Variants in GHITM observed in about 807,000 individuals in gnomAD.
GHITM encodes growth hormone inducible transmembrane protein.
A neutral mutation model predicts 38.7 loss-of-function variants in GHITM; 24 were observed. The observed-to-expected ratio is 0.62, with a 90% confidence interval of 0.45 to 0.87. GHITM has a LOEUF of 0.87. Among genes scored for constraint, GHITM ranks in the 40% least tolerant of loss-of-function variants. GHITM has a pLI of 0.00. For missense variants in GHITM, 420 were observed against 429.8 expected, an observed-to-expected ratio of 0.98 and a Z score of 0.20; for synonymous variants, 154 against 147.8, an observed-to-expected ratio of 1.04 and a Z score of -0.30.
intron 5 of GHITM, 44 bp from the exon 6 acceptor site, chr10:84,148,686 T>C: frequency 8.3e-7 from 1 of 1,211,218 alleles, no homozygotes; most frequent in Non-Finnish European, 1.2e-6. Flanking sequence ...TCTGCTTTGT[T>C]TTCATATAAA....
chr10:84,151,200 T>G (rs10887246), intron 8 of GHITM, among the ~76,000 whole-genome samples: 39,216 of 152,118 alleles, frequency 0.26, 5,926 homozygotes, highest in Non-Finnish European at 0.35. Flanking sequence ...GTCTCCATCT[T>G]CACATGGTGC....
Position 84,152,345 on chromosome 10 carries a change from A to G in GHITM, c.1035A>G (p.Lys345=), listed in dbSNP as rs377616706. The part of the protein sequence containing the change: ...TMLATGGNRK[K] ...TGGCAACTGGAGGCAACAGAAAGAA[A>G]TGAAGTGACTCAGCTTCTGGCTTCT... is the stretch of plus-strand genomic sequence containing the variant. The change falls in exon 9 of 9, where the codon AAA becomes AAG. Residue 345 remains lysine, a synonymous_variant. Coordinates refer to ENST00000372134, the MANE Select transcript of GHITM (RefSeq NM_014394.3). 1.3e-6 allele frequency: 2 copies of G among 1,576,696 alleles called. No homozygotes were observed. The highest frequency in any genetic ancestry group is 2.7e-5 in the African/African-American group (2 of 74,136).
At chr10:84,143,081 T>G (rs528317584) in intron 3 of GHITM, among the ~76,000 whole-genome samples, 2 of 152,346 alleles carry the variant, frequency 1.3e-5, no homozygotes, top group African/African-American at 4.8e-5. Flanking sequence ...TGTGTATGTT[T>G]CAGATTAAGA....
intron 7 of GHITM, among the ~76,000 whole-genome samples, 154 bp downstream of exon 7, chr10:84,150,397 A>C (rs1420991188): frequency 6.6e-6 from 1 of 152,246 alleles, no homozygotes; most frequent in Admixed American, 6.5e-5. Context: ...CATCATATAA[A>C]AATCATGGCA....
intron 2 of GHITM, 40 bp downstream of exon 2, chr10:84,141,669 C>T (rs772669304): frequency 2.8e-5 from 45 of 1,603,698 alleles, no homozygotes; most frequent in Non-Finnish European, 3.7e-5. Flanking sequence ...CTTCTTTTTC[C>T]ATTTGTGCCC....
intron 6 of GHITM, 141 bp downstream of exon 6, chr10:84,148,979 T>C (rs2132742043): frequency 1.6e-6 from 1 of 637,884 alleles, no homozygotes; most frequent in Non-Finnish European, 2.8e-6. Flanking sequence ...ACTGGCTGCA[T>C]TATTGCCAGA....
Position 84,141,458 on chromosome 10 carries a change from C to A in GHITM, c.-39-4C>A. ...TGGTTGGTTTTGCCTTTTTTTTAAA[C>A]TAGCATTTCAGATCTGCTCGGTAGA... On this transcript the variant is annotated splice_polypyrimidine_tract_variant and splice_region_variant and intron_variant, in intron 1 of 8. Coordinates refer to ENST00000372134, the MANE Select transcript of GHITM (RefSeq NM_014394.3). The A allele has an allele frequency of 6.3e-7, 1 of 1,586,810 alleles. No individual in the cohort carries two copies. Among genetic ancestry groups the A allele is most frequent in the Non-Finnish European group, 8.6e-7 (1 of 1,162,892 alleles).
intron 1 of GHITM, 149 bp from the exon 2 acceptor site, chr10:84,141,313 G>A (rs1841503486): frequency 3.7e-6 from 2 of 540,132 alleles, no homozygotes; most frequent in East Asian, 3.0e-5. Flanking sequence ...AGAATTCATC[G>A]CTGAAAATTA....
rs1841603648 is a variant in GHITM, at chr10:84,150,739, C to T, written c.812C>T (p.Ala271Val). ...GSMFLPPTTV[A>V]GATLYSVAMY... ...ATGTTTCTTCCACCTACCACCGTGG[C>T]TGGTGCCACTCTTTACTCAGTGGCA... The change falls in exon 8 of 9, where the codon GCT becomes GTT. Residue 271 changes from alanine to valine, a missense_variant. Ala to Val is a moderately conservative substitution (Grantham distance 64, BLOSUM62 0). Coordinates refer to ENST00000372134, the MANE Select transcript of GHITM (RefSeq NM_014394.3). 6.2e-7 allele frequency: 1 copy of T among 1,610,458 alleles called. No individual in the cohort carries two copies. Among genetic ancestry groups the T allele is most frequent in the South Asian group, 1.1e-5 (1 of 90,616 alleles).
Position 84,152,295 on chromosome 10 carries a change from A to G in GHITM, c.985A>G (p.Ile329Val). 1 of 1,604,080 alleles carries G rather than the reference A, an allele frequency of 6.2e-7. No homozygotes were observed. The highest frequency in any genetic ancestry group is 8.5e-7 in the Non-Finnish European group (1 of 1,171,964). Residue 329 changes from isoleucine (I) to valine (V), a missense_variant, in exon 9 of 9, where the codon ATA (isoleucine) becomes GTA (valine). Coordinates refer to ENST00000372134, the MANE Select transcript of GHITM (RefSeq NM_014394.3). ...MLSIYMDTLN[I>V]FMRVATMLAT... Reference sequence around the variant, plus strand: ...GAGTATCTACATGGATACATTAAATATATTTATGCGAGTTGCAACTATGCT... The same window carrying G: ...GAGTATCTACATGGATACATTAAATGTATTTATGCGAGTTGCAACTATGCT...
chr10:84,151,344 T>C (rs1841610307), intron 8 of GHITM, among the ~76,000 whole-genome samples: 1 of 152,192 alleles, frequency 6.6e-6, no homozygotes, highest in Non-Finnish European at 1.5e-5. Context: ...TGTTCTCTCT[T>C]TAGTAAACTA....
Position 84,147,352 on chromosome 10 carries a change from C to T in GHITM, c.484-1378C>T, listed in dbSNP as rs1159440105. On this transcript the variant is annotated intron_variant, in intron 5 of 8. Transcript: ENST00000372134. The stretch of plus-strand genomic sequence containing the variant: ...GCTCAAGTGGTCCTTTCACCTCAGC[C>T]ACCCAAGTAACTGACATTACAGGTC... Among the ~76,000 whole-genome samples, 3 of 152,214 alleles carry T rather than the reference C, an allele frequency of 2.0e-5. 1 individual carries two copies. The highest frequency in any genetic ancestry group is 1.5e-5 in the Non-Finnish European group (1 of 68,042).
At chr10:84,141,726 G>A in intron 2 of GHITM, 97 bp downstream of exon 2, 8 of 1,146,768 alleles carry the variant, frequency 7.0e-6, no homozygotes, top group South Asian at 3.8e-5. Flanking sequence ...TGTGTTATAC[G>A]TCAGTTAGCC....
In GHITM at chr10:84,141,454, T is replaced by G; in HGVS notation, c.-39-8T>G. The stretch of plus-strand genomic sequence containing the variant: ...TTTTTGGTTGGTTTTGCCTTTTTTT[T>G]AAACTAGCATTTCAGATCTGCTCGG... On this transcript the variant is annotated splice_polypyrimidine_tract_variant and splice_region_variant and intron_variant, in intron 1 of 8. Transcript: ENST00000372134. 1 of 1,590,482 alleles carries G rather than the reference T, an allele frequency of 6.3e-7. No homozygotes were observed. The highest frequency in any genetic ancestry group is 2.2e-5 in the East Asian group (1 of 44,590).
At chr10:84,144,294 C>A (rs1184100319) in intron 4 of GHITM, among the ~76,000 whole-genome samples, 188 bp downstream of exon 4, 2 of 152,124 alleles carry the variant, frequency 1.3e-5, no homozygotes, top group Non-Finnish European at 2.9e-5. Flanking sequence ...AAATAAAAAT[C>A]TTTTAGCAAG....
chr10:84,150,888 A>G lies in GHITM; in HGVS notation c.953+8A>G, dbSNP rs755724119. On this transcript the variant is annotated splice_region_variant and intron_variant, in intron 8 of 8. Coordinates refer to ENST00000372134, the MANE Select transcript of GHITM (RefSeq NM_014394.3). ...ATATGATCCCATTAACTCGTAAGTAATGCTTTTTATTTAACACTGTTACTC... is the reference window on the plus strand; with the variant it reads ...ATATGATCCCATTAACTCGTAAGTAGTGCTTTTTATTTAACACTGTTACTC... 1.3e-6 allele frequency: 2 copies of G among 1,569,260 alleles called. No homozygotes were observed. Among genetic ancestry groups the G allele is most frequent in the Non-Finnish European group, 1.8e-6 (2 of 1,140,714 alleles).
intron 5 of GHITM, among the ~76,000 whole-genome samples, chr10:84,146,825 G>T (rs1212877014): frequency 6.6e-6 from 1 of 152,182 alleles, no homozygotes; most frequent in Non-Finnish European, 1.5e-5. Context: ...CCAAAGACAA[G>T]TGTTACAGAG....
Position 84,152,554 on chromosome 10 carries a change from C to T in GHITM, c.*206C>T. The T allele has an allele frequency of 2.5e-6, 1 of 396,466 alleles. No homozygotes were observed. The highest frequency in any genetic ancestry group is 4.5e-6 in the Non-Finnish European group (1 of 223,826). The allele number at this position is 396,466 out of a possible 1,614,324, so 24.6% of individuals were successfully genotyped here. ...GCAGTAATCCTCTCCCAAATAAGCACACACATTTTCAATTCTCATGTTTGA... is the reference window on the plus strand; with the variant it reads ...GCAGTAATCCTCTCCCAAATAAGCATACACATTTTCAATTCTCATGTTTGA... On this transcript the variant is annotated 3_prime_UTR_variant, in exon 9 of 9. Coordinates refer to ENST00000372134, the MANE Select transcript of GHITM (RefSeq NM_014394.3).
chr10:84,144,249 C>T lies in GHITM; in HGVS notation c.341+143C>T, dbSNP rs562643697. 16 of 557,512 alleles carry T rather than the reference C, an allele frequency of 2.9e-5. No individual in the cohort carries two copies. The South Asian group carries it at 4.3e-4, about 15-fold the overall frequency. The allele number at this position is 557,512 out of a possible 1,614,324, so 34.5% of individuals were successfully genotyped here. A position where few individuals can be genotyped will look rare whatever the true frequency, so the allele number is the denominator to read the frequency against. On this transcript the variant is annotated intron_variant, in intron 4 of 8. Transcript: ENST00000372134. ...GTGTATACACACAAATAGAGAATCT[C>T]TTTTTGCTTCTTTGACATTTATTTA...
Sources: allele counts gnomAD v4.1 joint callset (sites outside exome capture counted in the v4.1 genomes callset), GRCh38; gene constraint gnomAD v4.1.1; transcripts MANE v1.5; gene names NCBI Gene and HGNC (gene_info 2026-07-23, HGNC 2026-07-21).